The following SLC7A2 variants were observed in gnomAD, a reference collection of about 807,000 sequenced individuals.
SLC7A2 encodes the protein cationic amino acid transporter 2.
In SLC7A2, 48 loss-of-function variants were observed where a neutral mutation model predicts 58.9. That is an observed-to-expected ratio of 0.82 (90% confidence interval 0.65 to 1.04). The LOEUF is 1.04. Among genes scored for constraint, SLC7A2 ranks in the 50% least tolerant of loss-of-function variants. The probability of loss-of-function intolerance (pLI) is 0.00; values close to 1 mark genes in which losing one functional copy is unlikely to be tolerated. For synonymous variants in SLC7A2, 363 were observed against 314.5 expected (o/e 1.15, Z -1.63); for missense variants, 1,029 against 818.8 (o/e 1.26, Z -3.13).
At chr8:17,558,976 G>A (rs546993455) in intron 9 of SLC7A2, among the ~76,000 whole-genome samples, 76 of 152,204 alleles carry the variant, frequency 5.0e-4, no homozygotes, top group Non-Finnish European at 9.4e-4. Flanking sequence ...CATATATGCC[G>A]ATATAGACAT....
At chr8:17,544,398 G>T in intron 3 of SLC7A2, 53 bp from the exon 4 acceptor site, 1 of 1,525,202 alleles carries the variant, frequency 6.6e-7, no homozygotes, top group South Asian at 1.2e-5. Context: ...AGCAAATGAT[G>T]CTACTTTAAT....
intron 2 of SLC7A2, among the ~76,000 whole-genome samples, chr8:17,522,747 A>C (rs1801065902): frequency 6.6e-6 from 1 of 151,958 alleles, no homozygotes; most frequent in African/African-American, 2.4e-5. Context: ...TTTTTAAAAG[A>C]GGGGTTGGCT....
At chr8:17,505,078 C>G in intron 2 of SLC7A2, among the ~76,000 whole-genome samples, 1 of 150,820 alleles carries the variant, frequency 6.6e-6, no homozygotes, top group East Asian at 2.0e-4. Flanking sequence ...TGTACCACCC[C>G]CCACCCCCCC....
At chr8:17,516,233 AT>A (rs11376359) in intron 2 of SLC7A2, among the ~76,000 whole-genome samples, 111,298 of 150,326 alleles carry the variant, frequency 0.74, 41,712 homozygotes, top group South Asian at 0.87. Context: ...TAATTAATTA[AT>A]TTTTTTTTTG....
chr8:17,519,053 T>C (rs1297432493), intron 2 of SLC7A2, among the ~76,000 whole-genome samples: 1 of 152,138 alleles, frequency 6.6e-6, no homozygotes, highest in African/African-American at 2.4e-5. Context: ...CATCTAGCCC[T>C]AATTACCTTC....
At chr8:17,550,536 G>A in intron 6 of SLC7A2, 102 bp downstream of exon 6, 3 of 1,091,358 alleles carry the variant, frequency 2.7e-6, no homozygotes, top group East Asian at 2.6e-5. Flanking sequence ...AGGGATTTCG[G>A]GTAAGAAGGG....
At chr8:17,514,860 T>C in intron 2 of SLC7A2, among the ~76,000 whole-genome samples, 1 of 152,210 alleles carries the variant, frequency 6.6e-6, no homozygotes, top group East Asian at 1.9e-4. Context: ...ATGAGAAAGA[T>C]AAAATCTTCT....
intron 12 of SLC7A2, among the ~76,000 whole-genome samples, chr8:17,564,058 C>T (rs554112182): frequency 4.3e-4 from 65 of 152,334 alleles, no homozygotes; most frequent in African/African-American, 1.3e-3. Context: ...TAGGAGGGTA[C>T]TTAAAACGTT....
At chr8:17,522,076 T>C (rs1056379690) in intron 2 of SLC7A2, among the ~76,000 whole-genome samples, 1 of 152,208 alleles carries the variant, frequency 6.6e-6, no homozygotes, top group African/African-American at 2.4e-5. Flanking sequence ...GTTTTCACGC[T>C]GCTGATAAAG....
rs905248578 is a variant in SLC7A2, at chr8:17,567,381, T to C, written c.*2235T>C. ...ATGTGATAGGCAGCTAAAACTGTTA[T>C]GCCCACTGTGCTCAATTTGAAGCAG... On this transcript the variant is annotated 3_prime_UTR_variant, in exon 13 of 13. Coordinates refer to ENST00000494857, the MANE Select transcript of SLC7A2 (RefSeq NM_001370338.1). 3.9e-5 allele frequency: 6 copies of C among 152,796 alleles called. No individual in the cohort carries two copies. The highest frequency in any genetic ancestry group is 1.3e-4 in the Admixed American group (2 of 15,308). 9.5% of individuals were successfully genotyped at this position (152,796 alleles called of 1,614,324 possible).
At chr8:17,560,600 A>G (rs1481958396) in intron 10 of SLC7A2, 67 bp downstream of exon 10, 1 of 1,374,960 alleles carries the variant, frequency 7.3e-7, no homozygotes, top group Non-Finnish European at 1.0e-6. Context: ...CTGGCATGAT[A>G]TGAAAGAGAA....
At chr8:17,524,848 G>A (rs1563448510) in intron 2 of SLC7A2, among the ~76,000 whole-genome samples, 2 of 151,788 alleles carry the variant, frequency 1.3e-5, no homozygotes, top group Non-Finnish European at 2.9e-5. Context: ...CAGAGCCAGT[G>A]TGCAATCAGG....
At chr8:17,508,727 A>AT (rs1331534738) in intron 2 of SLC7A2, among the ~76,000 whole-genome samples, 1 of 152,130 alleles carries the variant, frequency 6.6e-6, no homozygotes, top group East Asian at 1.9e-4. Context: ...AAAAATAAAA[A>AT]TAAAAATAAA....
In SLC7A2 at chr8:17,551,644, G is replaced by T. The variant is rs549953510; in HGVS notation, c.833-120G>T. ...AAATAAAATAGATGGACCAAGATAAGAAAAGGGACAAAAGCAGAGGAGAAC... is the reference window on the plus strand; with the variant it reads ...AAATAAAATAGATGGACCAAGATAATAAAAGGGACAAAAGCAGAGGAGAAC... On this transcript the variant is annotated intron_variant, in intron 6 of 12. Coordinates refer to ENST00000494857, the MANE Select transcript of SLC7A2 (RefSeq NM_001370338.1). The T allele has an allele frequency of 4.6e-4, 341 of 741,902 alleles. 3 individuals are homozygous for T. In the Admixed American group the frequency reaches 7.0e-3, roughly 15 times the overall value. 46.0% of individuals were successfully genotyped at this position (741,902 alleles called of 1,614,324 possible).
chr8:17,507,664 A>AT (rs1281757600), intron 2 of SLC7A2, among the ~76,000 whole-genome samples: 1 of 152,230 alleles, frequency 6.6e-6, no homozygotes, highest in African/African-American at 2.4e-5. Flanking sequence ...AATATGTACA[A>AT]TTATTACATG....
At chr8:17,496,586 C>A (rs1468070422), upstream of SLC7A2, among the ~76,000 whole-genome samples, 4 of 152,200 alleles carry the variant, frequency 2.6e-5, no homozygotes, top group African/African-American at 9.6e-5. Flanking sequence ...CCACTGGAGT[C>A]TTCCAAAATA....
At chr8:17,541,672 A>G (rs1314753446) in intron 2 of SLC7A2, among the ~76,000 whole-genome samples, 1 of 152,210 alleles carries the variant, frequency 6.6e-6, no homozygotes, top group Non-Finnish European at 1.5e-5. Context: ...TTTGGTAGAC[A>G]ATCCCATGTA....
chr8:17,547,461 A>G (rs1408474162), intron 4 of SLC7A2, among the ~76,000 whole-genome samples: 1 of 152,206 alleles, frequency 6.6e-6, no homozygotes, highest in Non-Finnish European at 1.5e-5. Context: ...AAATCATATA[A>G]TCAATATGAA....
intron 10 of SLC7A2, among the ~76,000 whole-genome samples, chr8:17,561,693 G>A (rs1035716334): frequency 5.3e-5 from 8 of 152,190 alleles, no homozygotes; most frequent in Non-Finnish European, 1.2e-4. Context: ...ATGCCAGTGA[G>A]TAACACTAGG....
Sources: allele counts gnomAD v4.1 joint callset (sites outside exome capture counted in the v4.1 genomes callset), GRCh38; gene constraint gnomAD v4.1.1; transcripts MANE v1.5; gene names NCBI Gene and HGNC (gene_info 2026-07-23, HGNC 2026-07-21).